Variants in STARD13 observed in about 807,000 individuals in gnomAD.
STARD13 encodes the protein stAR-related lipid transfer protein 13.
A neutral mutation model predicts 106.4 loss-of-function variants in STARD13; 62 were observed. That is an observed-to-expected ratio of 0.58 (90% confidence interval 0.48 to 0.72). STARD13 has a LOEUF of 0.72. Ranked by LOEUF, STARD13 falls within the 30% of genes least tolerant of loss-of-function variation. STARD13 has a pLI of 0.00. For synonymous variants in STARD13, 565 were observed against 553.0 expected (o/e 1.02, Z -0.31); for missense variants, 1,387 against 1,424.0 (o/e 0.97, Z 0.42).
chr13:33,561,382 G>A, the STARD13 span, among the ~76,000 whole-genome samples: 1 of 151,636 alleles, frequency 6.6e-6, no homozygotes, highest in East Asian at 1.9e-4. Context: ...CTTCCAAATT[G>A]AAGATGTTTT....
chr13:33,144,674 C>T (rs1593958202), intron 3 of STARD13, among the ~76,000 whole-genome samples: 3 of 152,182 alleles, frequency 2.0e-5, no homozygotes, highest in East Asian at 1.9e-4. Context: ...CAGCCTGTCT[C>T]TTTGGTCTGT....
chr13:33,360,351 C>T, the STARD13 span, among the ~76,000 whole-genome samples: 3 of 151,928 alleles, frequency 2.0e-5, no homozygotes, highest in African/African-American at 7.3e-5. Context: ...ACTATAGGCG[C>T]GTGCCACCAC....
At chr13:33,610,233 CA>C in the STARD13 span, among the ~76,000 whole-genome samples, 8 of 151,822 alleles carry the variant, frequency 5.3e-5, no homozygotes, top group Non-Finnish European at 7.4e-5. Context: ...ACAATATAGA[CA>C]AATTTAAGGA....
chr13:33,314,482 G>A (rs1594252015), intron 1 of STARD13, among the ~76,000 whole-genome samples: 1 of 152,134 alleles, frequency 6.6e-6, no homozygotes, highest in African/African-American at 2.4e-5. Flanking sequence ...ATAGCAGAAG[G>A]CCAGTTATCT....
intron 1 of STARD13, among the ~76,000 whole-genome samples, chr13:33,331,421 C>T (rs1044498822): frequency 6.6e-6 from 1 of 152,064 alleles, no homozygotes. Context: ...GGTGCAAGCT[C>T]GGCTCACTGC....
Position 33,178,424 on chromosome 13 carries a change from G to A in STARD13, c.170-10802C>T, listed in dbSNP as rs114965768. Among the ~76,000 whole-genome samples, 597 of 152,218 alleles carry A rather than the reference G, an allele frequency of 3.9e-3. 4 individuals are homozygous for A. Among genetic ancestry groups the A allele is most frequent in the Middle Eastern group, 0.017 (5 of 294 alleles). On this transcript the variant is annotated intron_variant, in intron 1 of 13. Transcript: ENST00000336934. ...CACCAGAACGTGCATCCTGGTGAAC[G>A]TATTTCAGGGACTACTTCTGGGTTG...
the STARD13 span, among the ~76,000 whole-genome samples, chr13:33,369,688 A>C: frequency 6.6e-6 from 1 of 152,194 alleles, no homozygotes; most frequent in African/African-American, 2.4e-5. Context: ...ATGTTCATAC[A>C]TGCACATATA....
the STARD13 span, among the ~76,000 whole-genome samples, chr13:33,415,185 G>C: frequency 2.6e-5 from 4 of 152,124 alleles, no homozygotes; most frequent in African/African-American, 9.7e-5. Context: ...TGGCTAACAC[G>C]GTGAAACCCC....
the STARD13 span, among the ~76,000 whole-genome samples, chr13:33,551,098 C>G: frequency 6.6e-6 from 1 of 152,150 alleles, no homozygotes; most frequent in South Asian, 2.1e-4. Context: ...CAAAACAAAA[C>G]AACATAATGA....
At chr13:33,392,117 C>G in the STARD13 span, among the ~76,000 whole-genome samples, 2 of 152,110 alleles carry the variant, frequency 1.3e-5, no homozygotes, top group Admixed American at 1.3e-4. Context: ...CGTAATCTAG[C>G]TCACAATTAT....
the STARD13 span, among the ~76,000 whole-genome samples, chr13:33,372,993 A>G: frequency 1.3e-5 from 2 of 152,112 alleles, no homozygotes; most frequent in African/African-American, 4.8e-5. Flanking sequence ...AAACATCCTT[A>G]CTTCTCTGAA....
At chr13:33,581,245 T>C in the STARD13 span, among the ~76,000 whole-genome samples, 3 of 152,198 alleles carry the variant, frequency 2.0e-5, no homozygotes, top group Non-Finnish European at 4.4e-5. Flanking sequence ...AGAAAATCTG[T>C]GTAGACAATC....
chr13:33,597,390 CTT>C, the STARD13 span, among the ~76,000 whole-genome samples: 3 of 147,404 alleles, frequency 2.0e-5, no homozygotes, highest in Non-Finnish European at 1.5e-5. Context: ...TTGGGTTTCT[CTT>C]TTTTTTTTGC....
At chr13:33,417,722 G>C in the STARD13 span, among the ~76,000 whole-genome samples, 44 of 152,274 alleles carry the variant, frequency 2.9e-4, 1 homozygote, top group African/African-American at 9.9e-4. Context: ...AGGCAAATCC[G>C]TAGAGACACA....
At chr13:33,522,536 C>T in the STARD13 span, among the ~76,000 whole-genome samples, 2 of 152,160 alleles carry the variant, frequency 1.3e-5, no homozygotes, top group South Asian at 4.1e-4. Context: ...CATGTTCTGC[C>T]TATTTATCCT....
rs548408526 is a variant in STARD13, at chr13:33,222,147, C to CA, written c.170-54526dup. 1.2e-3 allele frequency among the ~76,000 whole-genome samples: 168 copies of CA among 144,938 alleles called. 1 individual carries two copies. The highest frequency in any genetic ancestry group is 4.8e-3 in the South Asian group (22 of 4,538). ...CTGGCAACAGAGCGAGACTCCATCT[C>CA]AAAAAAAAAAGGGGCATTCTGACCT... is the stretch of plus-strand genomic sequence containing the variant. On this transcript the variant is annotated intron_variant, in intron 1 of 13. Coordinates refer to ENST00000336934, the MANE Select transcript of STARD13 (RefSeq NM_178006.4).
chr13:33,588,396 C>T, the STARD13 span, among the ~76,000 whole-genome samples: 1 of 152,126 alleles, frequency 6.6e-6, no homozygotes, highest in African/African-American at 2.4e-5. Context: ...TTATGGATTG[C>T]CTGACCTGCT....
chr13:33,181,260 TCACACATACATACA>T (rs777846592), intron 1 of STARD13, among the ~76,000 whole-genome samples: 6,987 of 112,246 alleles, frequency 0.062, 206 homozygotes, highest in Middle Eastern at 0.088. Context: ...TGTCTTTCAC[TCACACATACATACA>T]CACACACACA....
the STARD13 span, among the ~76,000 whole-genome samples, chr13:33,366,056 G>A: frequency 1.3e-5 from 2 of 151,740 alleles, no homozygotes; most frequent in African/African-American, 4.8e-5. The surrounding 1 kb of genome is among the most constrained non-coding windows in gnomAD (Gnocchi z 4.2). Context: ...ATCACTAAAA[G>A]TGATATATAT....
Sources: allele counts gnomAD v4.1 joint callset (sites outside exome capture counted in the v4.1 genomes callset), GRCh38; gene constraint gnomAD v4.1.1; non-coding constraint Gnocchi (gnomAD v3.1); transcripts MANE v1.5; gene names NCBI Gene and HGNC (gene_info 2026-07-23, HGNC 2026-07-21).